The following CTNNA3 variants were observed in gnomAD, a reference collection of about 807,000 sequenced individuals.
The protein encoded by CTNNA3 is catenin alpha 3.
A neutral mutation model predicts 95.7 loss-of-function variants in CTNNA3; 76 were observed. That is an observed-to-expected ratio of 0.79 (90% CI 0.66 to 0.96). CTNNA3 has a LOEUF of 0.96. Ranked by LOEUF, CTNNA3 falls within the 40% of genes least tolerant of loss-of-function variation. The pLI, the probability that CTNNA3 is intolerant of heterozygous loss-of-function variation, is 0.00. For missense variants in CTNNA3, 1,191 were observed against 1,089.8 expected (o/e 1.09, Z -1.31); for synonymous variants, 431 against 374.4 (o/e 1.15, Z -1.74).
At chr10:67,369,135 CAATA>C (rs1843322626) in intron 5 of CTNNA3, among the ~76,000 whole-genome samples, 1 of 152,074 alleles carries the variant, frequency 6.6e-6, no homozygotes, top group Non-Finnish European at 1.5e-5. Flanking sequence ...TATTAAACCT[CAATA>C]AATCTATTTT....
chr10:66,901,151 G>T (rs1043187643), intron 7 of CTNNA3, among the ~76,000 whole-genome samples: 6 of 152,168 alleles, frequency 3.9e-5, no homozygotes, highest in African/African-American at 1.4e-4. Flanking sequence ...ACCCACAAAA[G>T]GAAGCCCATC....
intron 5 of CTNNA3, among the ~76,000 whole-genome samples, chr10:67,515,095 A>C (rs1256132637): frequency 6.6e-6 from 1 of 152,204 alleles, no homozygotes; most frequent in African/African-American, 2.4e-5. Flanking sequence ...TGTGGAAATC[A>C]AATTTTAGGA....
intron 7 of CTNNA3, among the ~76,000 whole-genome samples, chr10:67,093,248 C>G (rs1018884144): frequency 1.1e-4 from 16 of 151,874 alleles, no homozygotes; most frequent in African/African-American, 3.4e-4. Context: ...TTCCCTGAGC[C>G]TATTCCAACT....
At chr10:66,709,594 ATTTATTC>A (rs1848226368) in intron 9 of CTNNA3, among the ~76,000 whole-genome samples, 2 of 152,100 alleles carry the variant, frequency 1.3e-5, no homozygotes, top group Admixed American at 1.3e-4. Context: ...AAACAAAAAT[ATTTATTC>A]CTTATTACTT....
chr10:66,737,705 G>A (rs1488996609), intron 9 of CTNNA3, among the ~76,000 whole-genome samples: 1 of 151,522 alleles, frequency 6.6e-6, no homozygotes, highest in Non-Finnish European at 1.5e-5. Flanking sequence ...CTGTCACCAG[G>A]CTCGAGTGCA....
At chr10:67,699,513 A>C (rs570972315), upstream of CTNNA3, among the ~76,000 whole-genome samples, 16 of 152,318 alleles carry the variant, frequency 1.1e-4, no homozygotes, top group African/African-American at 3.8e-4. Context: ...GTTGCCAATA[A>C]TTGGTGACTA....
intron 10 of CTNNA3, among the ~76,000 whole-genome samples, chr10:66,526,962 T>C (rs1841289390): frequency 6.6e-6 from 1 of 152,188 alleles, no homozygotes. Flanking sequence ...CCAATTTTTT[T>C]TTCCATTTTT....
intron 9 of CTNNA3, among the ~76,000 whole-genome samples, chr10:66,694,588 G>A (rs1373093905): frequency 6.6e-6 from 1 of 152,106 alleles, no homozygotes; most frequent in African/African-American, 2.4e-5. Context: ...TAGAAAAAGA[G>A]GGAATCCTCC....
Position 66,331,338 on chromosome 10 carries a change from G to GCTTGTTTTTTTTTTTTTTTTTTTTTT in CTNNA3, c.1732+47813_1732+47814insAAAAAAAAAAAAAAAAAAAAAACAAG, listed in dbSNP as rs1417713676. Among the ~76,000 whole-genome samples, 8 of 39,116 alleles carry GCTTGTTTTTTTTTTTTTTTTTTTTTT rather than the reference G, an allele frequency of 2.0e-4. 3 individuals are homozygous for GCTTGTTTTTTTTTTTTTTTTTTTTTT. Among genetic ancestry groups the GCTTGTTTTTTTTTTTTTTTTTTTTTT allele is most frequent in the Non-Finnish European group, 5.9e-5 (1 of 16,822 alleles). 25.7% of individuals were successfully genotyped at this position (39,116 alleles called of 152,430 possible). A position where few individuals can be genotyped will look rare whatever the true frequency, so the allele number is the denominator to read the frequency against. On this transcript the variant is annotated intron_variant, in intron 12 of 17. Coordinates refer to ENST00000433211, the MANE Select transcript of CTNNA3 (RefSeq NM_013266.4). ...TTAAATATGGACTCCTTTCCCCATT[G>GCTTGTTTTTTTTTTTTTTTTTTTTTT]TTTGTTTTTTTTTTTTTTTTTTTTT...
intron 2 of CTNNA3, among the ~76,000 whole-genome samples, chr10:67,631,697 C>G (rs1285985278): frequency 6.6e-6 from 1 of 152,140 alleles, no homozygotes; most frequent in Non-Finnish European, 1.5e-5. Flanking sequence ...AAATTAAACA[C>G]TCTTTGTAAC....
At chr10:67,397,482 T>G (rs1478176499) in intron 5 of CTNNA3, among the ~76,000 whole-genome samples, 1 of 152,094 alleles carries the variant, frequency 6.6e-6, no homozygotes. Flanking sequence ...AGAATAAATT[T>G]CTAAGTGACA....
In CTNNA3 at chr10:65,914,287, G is replaced by A. The variant is rs963285168; in HGVS notation, c.*6043C>T. ...TGACTACCAGATACATAAAAGTGAA[G>A]ATCCCCAATATACACATCCATTGCT... On this transcript the variant is annotated 3_prime_UTR_variant, in exon 18 of 18. Coordinates refer to ENST00000433211, the MANE Select transcript of CTNNA3 (RefSeq NM_013266.4). 4.6e-5 allele frequency: 7 copies of A among 152,052 alleles called. No homozygotes were observed. Among genetic ancestry groups the A allele is most frequent in the African/African-American group, 1.7e-4 (7 of 41,400 alleles). 9.4% of individuals were successfully genotyped at this position (152,052 alleles called of 1,614,324 possible). A position where few individuals can be genotyped will look rare whatever the true frequency, so the allele number is the denominator to read the frequency against.
chr10:66,890,692 C>G (rs751764824), intron 7 of CTNNA3, among the ~76,000 whole-genome samples: 1 of 152,068 alleles, frequency 6.6e-6, no homozygotes, highest in Admixed American at 6.6e-5. Context: ...ATAGAAAGAA[C>G]GGAGATGAGC....
chr10:66,730,682 A>G (rs1398608640), intron 9 of CTNNA3, among the ~76,000 whole-genome samples: 2 of 152,238 alleles, frequency 1.3e-5, no homozygotes, highest in East Asian at 1.9e-4. Context: ...AATAAAAACC[A>G]GAGTGATCTT....
intron 7 of CTNNA3, among the ~76,000 whole-genome samples, chr10:66,937,422 G>A (rs989932740): frequency 6.6e-6 from 1 of 152,078 alleles, no homozygotes; most frequent in African/African-American, 2.4e-5. Context: ...TAATACAAAG[G>A]TTGGCACATA....
intron 5 of CTNNA3, among the ~76,000 whole-genome samples, chr10:67,383,838 T>C (rs1043955131): frequency 1.3e-5 from 2 of 152,214 alleles, no homozygotes; most frequent in African/African-American, 2.4e-5. Flanking sequence ...ACTAGAATCT[T>C]TGATGTAGGT....
chr10:66,046,352 G>A (rs550533934), intron 15 of CTNNA3, among the ~76,000 whole-genome samples: 1 of 152,244 alleles, frequency 6.6e-6, no homozygotes, highest in South Asian at 2.1e-4. Flanking sequence ...CATATGTGGA[G>A]ACCCTGGAGC....
intron 11 of CTNNA3, among the ~76,000 whole-genome samples, chr10:66,488,574 T>G (rs1373461309): frequency 6.6e-6 from 1 of 152,210 alleles, no homozygotes; most frequent in Non-Finnish European, 1.5e-5. Context: ...AGAATGCCAG[T>G]GTGAATTCCT....
chr10:67,274,749 G>A (rs568345412), intron 5 of CTNNA3, among the ~76,000 whole-genome samples: 1 of 152,128 alleles, frequency 6.6e-6, no homozygotes, highest in East Asian at 1.9e-4. Flanking sequence ...GATTCCTTGA[G>A]CCCAGGAGGT....
Sources: allele counts gnomAD v4.1 joint callset (sites outside exome capture counted in the v4.1 genomes callset), GRCh38; gene constraint gnomAD v4.1.1; transcripts MANE v1.5; gene names NCBI Gene and HGNC (gene_info 2026-07-23, HGNC 2026-07-21).